NUSAP1: variants seen among roughly 807,000 people sequenced by gnomAD.
NUSAP1 encodes nucleolar and spindle associated protein 1.
NUSAP1 carries 32 observed loss-of-function variants against 52.8 expected under a neutral mutation model. That is an observed-to-expected ratio of 0.61 (90% CI 0.46 to 0.81). The LOEUF (loss-of-function observed/expected upper bound fraction) is 0.81, where lower values mean the gene tolerates loss of function less well. NUSAP1 is among the 40% of genes least tolerant of loss of function. The probability of loss-of-function intolerance (pLI) is 0.00; values close to 1 mark genes in which losing one functional copy is unlikely to be tolerated. For missense variants in NUSAP1, 499 were observed against 522.3 expected, an observed-to-expected ratio of 0.96 and a Z score of 0.43; for synonymous variants, 195 against 183.1, an observed-to-expected ratio of 1.06 and a Z score of -0.52.
rs559418681 is a variant in NUSAP1 at position 41,374,835 on chromosome 15, CTTTG to C, written c.1007-869_1007-866del. Among the ~76,000 whole-genome samples the C allele has an allele frequency of 2.6e-3, 388 of 151,300 alleles. 3 individuals carry two copies. The highest frequency in any genetic ancestry group is 8.5e-3 in the African/African-American group (353 of 41,306). Reference sequence around the variant, plus strand: ...CCACTGCACCCAGCTTCTTTTTTTTCTTTGTTTGTTTCTTTTGTTTTTTTGAGAT... The same window carrying C: ...CCACTGCACCCAGCTTCTTTTTTTTCTTTGTTTCTTTTGTTTTTTTGAGAT... On this transcript the variant is annotated intron_variant, in intron 8 of 10. Transcript: ENST00000559596.
At chr15:41,346,009 T>C (rs1333431118) in intron 2 of NUSAP1, among the ~76,000 whole-genome samples, 1 of 152,140 alleles carries the variant, frequency 6.6e-6, no homozygotes, top group African/African-American at 2.4e-5. Context: ...TTCTGTAATA[T>C]TTTACCTCTG....
intron 7 of NUSAP1, among the ~76,000 whole-genome samples, chr15:41,370,618 C>T (rs988972802): frequency 2.0e-5 from 3 of 151,814 alleles, no homozygotes; most frequent in East Asian, 3.9e-4. Flanking sequence ...GGCATGGTGG[C>T]GCATGCCTGT....
At chr15:41,361,170 G>A (rs534237739) in intron 6 of NUSAP1, among the ~76,000 whole-genome samples, 1 of 151,896 alleles carries the variant, frequency 6.6e-6, no homozygotes, top group South Asian at 2.1e-4. Context: ...GAGGCAGGCG[G>A]ATCACCTGAG....
At chr15:41,375,407 C>T (rs182890985) in intron 8 of NUSAP1, among the ~76,000 whole-genome samples, 13 of 152,048 alleles carry the variant, frequency 8.5e-5, no homozygotes, top group Non-Finnish European at 1.6e-4. Flanking sequence ...AACTCCTGAC[C>T]TCAGGTGATC....
chr15:41,355,917 A>T (rs763214604), intron 4 of NUSAP1, 122 bp from the exon 5 acceptor site: 4 of 598,490 alleles, frequency 6.7e-6, no homozygotes, highest in Non-Finnish European at 1.2e-5. Context: ...TGACCTCGTG[A>T]TCCACCCGCC....
At chr15:41,376,062 A>C (rs1026044000) in intron 9 of NUSAP1, among the ~76,000 whole-genome samples, 3 of 150,772 alleles carry the variant, frequency 2.0e-5, no homozygotes, top group African/African-American at 7.3e-5. Flanking sequence ...GTGAAACTCC[A>C]TCTAAAAAAT....
chr15:41,375,862 A>G, intron 9 of NUSAP1, 34 bp downstream of exon 9: 1 of 1,431,340 alleles, frequency 7.0e-7, no homozygotes, highest in Admixed American at 1.7e-5. Context: ...CAGGGCCTGT[A>G]AAATACTTAA....
rs748456499 is a variant in NUSAP1 at position 41,351,113 on chromosome 15, G to T, written c.432G>T (p.Glu144Asp). The T allele has an allele frequency of 5.6e-6, 9 of 1,612,034 alleles. No homozygotes were observed. The highest frequency in any genetic ancestry group is 7.6e-6 in the Non-Finnish European group (9 of 1,179,488). Residue 144 changes from glutamate (E) to aspartate (D), a missense_variant, in exon 4 of 11, where the codon GAG becomes GAT. By Grantham distance (45) the Glu-to-Asp change is conservative. Coordinates refer to ENST00000559596, the MANE Select transcript of NUSAP1 (RefSeq NM_016359.5). ...CACCAGACGAGCACCAAGAAGCTGAGAATGCTGTTTCCTCAGGTAAACGTG... is the reference window on the plus strand; with the variant it reads ...CACCAGACGAGCACCAAGAAGCTGATAATGCTGTTTCCTCAGGTAAACGTG... ...PSPPDEHQEA[E>D]NAVSSGNRDS...
chr15:41,336,124 G>A (rs533313818), intron 1 of NUSAP1, among the ~76,000 whole-genome samples: 20 of 151,480 alleles, frequency 1.3e-4, no homozygotes, highest in Middle Eastern at 3.4e-3. Flanking sequence ...GCCAGGCGTG[G>A]CAGGGGGCAC....
intron 6 of NUSAP1, among the ~76,000 whole-genome samples, chr15:41,365,196 C>G (rs1330185718): frequency 1.3e-5 from 2 of 152,156 alleles, no homozygotes; most frequent in African/African-American, 4.8e-5. Flanking sequence ...GAGATGTAGT[C>G]TCGCTCTGTT....
chr15:41,333,306 G>T (rs1010699653), intron 1 of NUSAP1, among the ~76,000 whole-genome samples: 4 of 152,112 alleles, frequency 2.6e-5, no homozygotes, highest in Non-Finnish European at 5.9e-5. Context: ...ATGGTTTATT[G>T]TTTTTTGTTT....
intron 6 of NUSAP1, among the ~76,000 whole-genome samples, chr15:41,362,662 C>T (rs1035899379): frequency 1.3e-5 from 2 of 151,932 alleles, no homozygotes; most frequent in Admixed American, 1.3e-4. Context: ...AATCTCCTGA[C>T]CTCGTGATCT....
chr15:41,364,778 G>GGATCGCTTGAACCTGGAAGGTGAA (rs2049318885), intron 6 of NUSAP1, among the ~76,000 whole-genome samples: 1 of 152,076 alleles, frequency 6.6e-6, no homozygotes. Flanking sequence ...TAAGGTGGGA[G>GGATCGCTTGAACCTGGAAGGTGAA]GATCGCTTGA....
At chr15:41,345,392 A>G (rs1238677880) in intron 2 of NUSAP1, 1 of 386,470 alleles carries the variant, frequency 2.6e-6, no homozygotes, top group Non-Finnish European at 4.9e-6. Context: ...TTTTTAGCTC[A>G]TCTTGAAAAG....
Position 41,368,728 on chromosome 15 carries a change from C to CTTTTTT in NUSAP1, c.849-2780_849-2775dup, listed in dbSNP as rs57501156. ...ACATAATTGTATTTTTTATTTTATT[C>CTTTTTT]TTTTTTTTTTTTTTTTTTTTTTTTG... On this transcript the variant is annotated intron_variant, in intron 7 of 10. Transcript: ENST00000559596. Among the ~76,000 whole-genome samples, 26 of 77,916 alleles carry CTTTTTT rather than the reference C, an allele frequency of 3.3e-4. 1 individual carries two copies. The highest frequency in any genetic ancestry group is 8.4e-4 in the African/African-American group (16 of 19,058). The allele number at this position is 77,916 out of a possible 152,430, so 51.1% of individuals were successfully genotyped here. A position where few individuals can be genotyped will look rare whatever the true frequency, so the allele number is the denominator to read the frequency against.
chr15:41,360,429 G>C (rs755586940), intron 6 of NUSAP1, among the ~76,000 whole-genome samples: 20 of 152,086 alleles, frequency 1.3e-4, no homozygotes, highest in Non-Finnish European at 2.9e-5. Flanking sequence ...CAATTCTCCT[G>C]CCTCAGCCTC....
chr15:41,345,700 C>G (rs560735379), intron 2 of NUSAP1: 3 of 243,298 alleles, frequency 1.2e-5, no homozygotes, highest in South Asian at 1.2e-4. Context: ...TCAGGTGATC[C>G]TCCCACCTCG....
At chr15:41,378,944 G>GTGTTTTTTTTTTTT (rs1753387103) in intron 10 of NUSAP1, among the ~76,000 whole-genome samples, 1 of 63,270 alleles carries the variant, frequency 1.6e-5, no homozygotes, top group African/African-American at 7.0e-5. Flanking sequence ...ACTTATCTTG[G>GTGTTTTTTTTTTTT]TTTTTTTTTT....
At chr15:41,378,566 A>C (rs1416032888) in intron 10 of NUSAP1, among the ~76,000 whole-genome samples, 1 of 152,208 alleles carries the variant, frequency 6.6e-6, no homozygotes, top group Admixed American at 6.5e-5. Flanking sequence ...CGGGTGGATC[A>C]CGATGTCAGG....
Sources: gnomAD v4.1 joint callset for allele counts (sites outside exome capture counted in the v4.1 genomes callset) on GRCh38, gnomAD v4.1.1 for gene constraint, MANE v1.5 for transcripts, NCBI Gene and HGNC (gene_info 2026-07-23, HGNC 2026-07-21) for gene names.